STRN3: variants seen among roughly 807,000 people sequenced by gnomAD.
The protein encoded by STRN3 is striatin-3.
STRN3 carries 29 observed loss-of-function variants against 95.6 expected under a neutral mutation model. That is an observed-to-expected ratio of 0.30 (90% confidence interval 0.23 to 0.41). The LOEUF is 0.41. STRN3 is among the 10% of genes least tolerant of loss of function. The probability of loss-of-function intolerance (pLI) is 1.00; values close to 1 mark genes in which losing one functional copy is unlikely to be tolerated. For missense variants in STRN3, 890 were observed against 972.1 expected (o/e 0.92, Z 1.12); for synonymous variants, 331 against 357.6 (o/e 0.93, Z 0.84).
rs1198292990 is a variant in STRN3, at chr14:31,026,336, G to C, written c.-151C>G. 45 of 747,346 alleles carry C rather than the reference G, an allele frequency of 6.0e-5. No homozygotes were observed. Among genetic ancestry groups the C allele is most frequent in the Non-Finnish European group, 7.6e-6 (4 of 525,576 alleles). The allele number at this position is 747,346 out of a possible 1,614,324, so 46.3% of individuals were successfully genotyped here. A position where few individuals can be genotyped will look rare whatever the true frequency, so the allele number is the denominator to read the frequency against. ...TGCTGTGTGCCTGCCGTGGGTCAGA[G>C]CAGGGAGCTGCCGGCTGCCGCCATT... On this transcript the variant is annotated 5_prime_UTR_variant, in exon 1 of 18. Transcript: ENST00000357479.
intron 1 of STRN3, among the ~76,000 whole-genome samples, chr14:30,966,943 G>A (rs937573929): frequency 6.6e-6 from 1 of 152,052 alleles, no homozygotes; most frequent in African/African-American, 2.4e-5. Context: ...AAGGGGGGAA[G>A]CAGGTCAACC....
At chr14:30,993,626 C>T (rs1882065549) in intron 1 of STRN3, among the ~76,000 whole-genome samples, 1 of 152,102 alleles carries the variant, frequency 6.6e-6, no homozygotes, top group African/African-American at 2.4e-5. Context: ...TTTACATACT[C>T]CTTTGCTGCC....
rs1896068163 is a variant in STRN3, at chr14:30,894,246, T to G, written c.*1165A>C. 6.6e-6 allele frequency: 1 copy of G among 152,338 alleles called. No individual in the cohort carries two copies. 9.4% of individuals were successfully genotyped at this position (152,338 alleles called of 1,614,324 possible). On this transcript the variant is annotated 3_prime_UTR_variant, in exon 18 of 18. Coordinates refer to ENST00000357479, the MANE Select transcript of STRN3 (RefSeq NM_001083893.2). Reference sequence around the variant, plus strand: ...AAATAAAACTTTACTCCAAATATTTTTAAACAAGTTAGTTTTGTTTGGAAT... The same window carrying G: ...AAATAAAACTTTACTCCAAATATTTGTAAACAAGTTAGTTTTGTTTGGAAT...
Position 30,906,956 on chromosome 14 carries a change from A to G in STRN3, c.1809T>C (p.Ser603=), listed in dbSNP as rs200359939. ...ACCTAACAGTGCCATCTGCTGAACAAGACAGTAATTGATTTTTTATGCCAC... is the reference window on the plus strand; with the variant it reads ...ACCTAACAGTGCCATCTGCTGAACAGGACAGTAATTGATTTTTTATGCCAC... ...AYSGIKNQLL[S]CSADGTVRLW... The change falls in exon 14 of 18, where the codon TCT becomes TCC. Residue 603 remains serine (S), a synonymous_variant. Coordinates refer to ENST00000357479, the MANE Select transcript of STRN3 (RefSeq NM_001083893.2). The G allele has an allele frequency of 6.2e-7, 1 of 1,613,968 alleles. No individual in the cohort carries two copies. Among genetic ancestry groups the G allele is most frequent in the Admixed American group, 1.7e-5 (1 of 60,026 alleles).
chr14:31,026,006 C>T lies in STRN3; in HGVS notation c.180G>A (p.Pro60=). ...GPAAGPELSR[P]QQYTIPGILH... ...GTATCCCCGGGATAGTGTACTGCTGCGGCCGGGACAGCTCGGGGCCTGCCG... is the reference window on the plus strand; with the variant it reads ...GTATCCCCGGGATAGTGTACTGCTGTGGCCGGGACAGCTCGGGGCCTGCCG... The change falls in exon 1 of 18, where the codon CCG becomes CCA. Residue 60 remains proline (P), a synonymous_variant. Coordinates refer to ENST00000357479, the MANE Select transcript of STRN3 (RefSeq NM_001083893.2). 1 of 1,552,974 alleles carries T rather than the reference C, an allele frequency of 6.4e-7. No homozygotes were observed. The highest frequency in any genetic ancestry group is 8.7e-7 in the Non-Finnish European group (1 of 1,148,934).
chr14:30,915,536 A>G (rs1896716282), intron 9 of STRN3, among the ~76,000 whole-genome samples: 1 of 152,182 alleles, frequency 6.6e-6, no homozygotes, highest in Non-Finnish European at 1.5e-5. Context: ...TTTTCCTACC[A>G]ATTATTAGTA....
At chr14:30,994,332 T>C (rs909986209) in intron 1 of STRN3, among the ~76,000 whole-genome samples, 2 of 152,208 alleles carry the variant, frequency 1.3e-5, no homozygotes, top group Non-Finnish European at 2.9e-5. Flanking sequence ...TGGTCTAACA[T>C]CAATTTCTTT....
rs58838246 is a variant in STRN3 at position 30,945,209 on chromosome 14, C to T, written c.716+1881G>A. On this transcript the variant is annotated intron_variant, in intron 5 of 17. Transcript: ENST00000357479. ...AGAAATCAGAATCCTTTTAGTACTG[C>T]TGGTGGGGAGGTAAAACAGTGCAGC... Among the ~76,000 whole-genome samples the T allele has an allele frequency of 3.0e-3, 454 of 152,260 alleles. 13 individuals carry two copies. The East Asian group carries it at 0.077, about 26-fold the overall frequency.
intron 8 of STRN3, among the ~76,000 whole-genome samples, chr14:30,920,028 A>G (rs1896841382): frequency 6.6e-6 from 1 of 152,168 alleles, no homozygotes; most frequent in South Asian, 2.1e-4. Flanking sequence ...AAGGTCAAAC[A>G]TTATGACGTT....
chr14:30,939,025 G>A (rs996626421), intron 5 of STRN3, among the ~76,000 whole-genome samples: 2 of 152,132 alleles, frequency 1.3e-5, no homozygotes, highest in South Asian at 2.1e-4. Flanking sequence ...TTCTCCTCAG[G>A]AGCACAGAAA....
intron 1 of STRN3, among the ~76,000 whole-genome samples, chr14:30,966,735 T>C (rs1056487496): frequency 4.6e-5 from 7 of 152,118 alleles, no homozygotes; most frequent in Non-Finnish European, 1.0e-4. Context: ...GTTGTGTGGA[T>C]GGTGACAAGT....
chr14:30,999,623 T>C (rs1373994691), intron 1 of STRN3, among the ~76,000 whole-genome samples: 1 of 152,026 alleles, frequency 6.6e-6, no homozygotes, highest in Non-Finnish European at 1.5e-5. Flanking sequence ...TTAGCCAGTC[T>C]GAGAACCAGA....
At chr14:30,904,020 AT>A (rs2138961446) in intron 15 of STRN3, among the ~76,000 whole-genome samples, 1 of 152,270 alleles carries the variant, frequency 6.6e-6, no homozygotes, top group Non-Finnish European at 1.5e-5. Context: ...AAAAATGTTT[AT>A]TTCTTAGCTC....
intron 2 of STRN3, 81 bp from the exon 3 acceptor site, chr14:30,955,774 C>T (rs542769212): frequency 9.0e-7 from 1 of 1,113,126 alleles, no homozygotes; most frequent in South Asian, 1.6e-5. Flanking sequence ...AATAACAAAA[C>T]ATAATATGAA....
At chr14:30,999,564 CTA>C (rs1882352519) in intron 1 of STRN3, among the ~76,000 whole-genome samples, 1 of 152,132 alleles carries the variant, frequency 6.6e-6, no homozygotes, top group Admixed American at 6.5e-5. Context: ...TCAACAGCAG[CTA>C]TGAGCAGGCA....
At chr14:30,948,429 T>A (rs1594480348) in intron 4 of STRN3, among the ~76,000 whole-genome samples, 1 of 152,086 alleles carries the variant, frequency 6.6e-6, no homozygotes, top group South Asian at 2.1e-4. Flanking sequence ...GGAGAGAAAG[T>A]CTGGGTATAC....
chr14:30,953,073 T>A (rs993226427), intron 3 of STRN3, among the ~76,000 whole-genome samples: 4 of 152,158 alleles, frequency 2.6e-5, no homozygotes, highest in African/African-American at 9.7e-5. Context: ...CAGATTAACA[T>A]AAAAAATGAC....
chr14:30,919,553 T>A (rs1896829526), intron 8 of STRN3, among the ~76,000 whole-genome samples: 1 of 152,126 alleles, frequency 6.6e-6, no homozygotes, highest in African/African-American at 2.4e-5. Context: ...AACAAAGGAA[T>A]AAGTACGAGT....
intron 16 of STRN3, 22 bp downstream of exon 16, chr14:30,902,514 G>A: frequency 2.0e-6 from 3 of 1,471,438 alleles, no homozygotes; most frequent in Middle Eastern, 1.7e-4. Context: ...TTACTAATAT[G>A]AAAAGAAGAC....
Sources: gnomAD v4.1 joint callset for allele counts (sites outside exome capture counted in the v4.1 genomes callset) on GRCh38, gnomAD v4.1.1 for gene constraint, MANE v1.5 for transcripts, NCBI Gene and HGNC (gene_info 2026-07-23, HGNC 2026-07-21) for gene names.